Variants in ARHGAP32 observed in about 807,000 individuals in gnomAD.
The protein encoded by ARHGAP32 is rho GTPase-activating protein 32.
In ARHGAP32, 51 loss-of-function variants were observed where a neutral mutation model predicts 186.5. The observed-to-expected ratio is 0.27, with a 90% CI of 0.22 to 0.35. ARHGAP32 has a LOEUF of 0.35. Among genes scored for constraint, ARHGAP32 ranks in the 10% least tolerant of loss-of-function variants. The probability of loss-of-function intolerance (pLI) is 1.00; values close to 1 mark genes in which losing one functional copy is unlikely to be tolerated. For synonymous variants in ARHGAP32, 950 were observed against 964.3 expected, an observed-to-expected ratio of 0.99 and a Z score of 0.27; for missense variants, 2,186 against 2,623.5, an observed-to-expected ratio of 0.83 and a Z score of 3.64.
intron 1 of ARHGAP32, among the ~76,000 whole-genome samples, chr11:129,166,597 C>A (rs1007382619): frequency 3.3e-5 from 5 of 151,528 alleles, no homozygotes; most frequent in East Asian, 1.9e-4. Context: ...ATGAAATTAA[C>A]CTTCAGTGTG....
At chr11:129,063,752 G>C (rs1394448856) in intron 9 of ARHGAP32, 150 bp downstream of exon 9, 1 of 846,876 alleles carries the variant, frequency 1.2e-6, no homozygotes, top group Non-Finnish European at 1.7e-6. Context: ...AACAAAAATA[G>C]AAGATATTAC....
At chr11:129,113,225 C>T (rs1660203066) in intron 5 of ARHGAP32, among the ~76,000 whole-genome samples, 1 of 152,102 alleles carries the variant, frequency 6.6e-6, no homozygotes, top group Non-Finnish European at 1.5e-5. Context: ...TACTGCAATA[C>T]ACAATGCACA....
intron 2 of ARHGAP32, among the ~76,000 whole-genome samples, chr11:129,133,959 A>T (rs1486398019): frequency 6.6e-6 from 1 of 152,242 alleles, no homozygotes; most frequent in Admixed American, 6.5e-5. Flanking sequence ...TGTGATCTAT[A>T]TAAAAACTTT....
chr11:129,225,236 T>C (rs144338131), intron 1 of ARHGAP32, among the ~76,000 whole-genome samples: 299 of 152,292 alleles, frequency 2.0e-3, no homozygotes, highest in African/African-American at 6.8e-3. Flanking sequence ...AAGATGCCCA[T>C]GGAGACTTTG....
At chr11:129,167,443 A>G (rs987878766) in intron 1 of ARHGAP32, among the ~76,000 whole-genome samples, 7 of 152,232 alleles carry the variant, frequency 4.6e-5, no homozygotes, top group East Asian at 3.8e-4. Flanking sequence ...TATTCATAAT[A>G]GCCAAAAAGT....
At chr11:129,252,044 T>C (rs974051825) in intron 1 of ARHGAP32, among the ~76,000 whole-genome samples, 3 of 151,430 alleles carry the variant, frequency 2.0e-5, no homozygotes, top group Non-Finnish European at 4.4e-5. Flanking sequence ...ACTATTATAA[T>C]TACAATAATT....
intron 5 of ARHGAP32, among the ~76,000 whole-genome samples, chr11:129,121,654 GAGTT>G (rs2135376572): frequency 6.6e-6 from 1 of 152,148 alleles, no homozygotes; most frequent in South Asian, 2.1e-4. Context: ...GTCACAAACT[GAGTT>G]AGTATCACAT....
At chr11:129,073,506 G>A (rs1940935146) in intron 6 of ARHGAP32, among the ~76,000 whole-genome samples, 1 of 152,000 alleles carries the variant, frequency 6.6e-6, no homozygotes, top group African/African-American at 2.4e-5. Context: ...GAGCTTGAGG[G>A]TATCACAATA....
chr11:129,101,851 G>A (rs1444973495), intron 5 of ARHGAP32, among the ~76,000 whole-genome samples: 1 of 152,146 alleles, frequency 6.6e-6, no homozygotes, highest in Non-Finnish European at 1.5e-5. Context: ...AGGAAATGTA[G>A]AGAATTCAAG....
At position 128,999,230 on chromosome 11, in the gene ARHGAP32, T is replaced by G. The variant is rs548578071; in HGVS notation, c.1046-762A>C. Among the ~76,000 whole-genome samples, 21 of 152,082 alleles carry G rather than the reference T, an allele frequency of 1.4e-4. No individual in the cohort carries two copies. The East Asian group carries it at 4.1e-3, about 29-fold the overall frequency. ...GTCTCTAACATGGCCGCTCTGGGAG[T>G]GTCTGTCTTATGCAGTTGTAGATAA... On this transcript the variant is annotated intron_variant, in intron 11 of 22. Transcript: ENST00000682385.
intron 2 of ARHGAP32, among the ~76,000 whole-genome samples, chr11:129,140,399 T>G (rs1489078468): frequency 6.6e-6 from 1 of 152,212 alleles, no homozygotes; most frequent in Non-Finnish European, 1.5e-5. Context: ...TGTGAGATAA[T>G]AAATGGGTAT....
chr11:129,123,588 T>G lies in ARHGAP32; in HGVS notation c.360-58A>C. 6 of 1,490,718 alleles carry G rather than the reference T, an allele frequency of 4.0e-6. No individual in the cohort carries two copies. The highest frequency in any genetic ancestry group is 4.6e-6 in the Non-Finnish European group (5 of 1,077,334). 92.3% of individuals were successfully genotyped at this position (1,490,718 alleles called of 1,614,324 possible). On this transcript the variant is annotated intron_variant, in intron 4 of 22. Coordinates refer to ENST00000682385, the MANE Select transcript of ARHGAP32 (RefSeq NM_001378024.1). This position sits in a 1 kb window ranked among gnomAD's most constrained non-coding sequence, Gnocchi z 4.6. Reference sequence around the variant, plus strand: ...AGTGAAACAGTAAAAATTACTAAGTTTAAGGGAAAAATACAGTGGATTTAA... The same window carrying G: ...AGTGAAACAGTAAAAATTACTAAGTGTAAGGGAAAAATACAGTGGATTTAA...
intron 1 of ARHGAP32, among the ~76,000 whole-genome samples, chr11:129,276,894 G>A (rs995916366): frequency 6.6e-6 from 1 of 152,176 alleles, no homozygotes; most frequent in Non-Finnish European, 1.5e-5. Flanking sequence ...CTACTATGGG[G>A]CAGAACTGCA....
intron 2 of ARHGAP32, among the ~76,000 whole-genome samples, chr11:129,158,314 C>G (rs562916025): frequency 6.6e-6 from 1 of 150,394 alleles, no homozygotes; most frequent in Non-Finnish European, 1.5e-5. Context: ...CATCGGGGTG[C>G]TGAATTCAGG....
chr11:129,006,598 T>C (rs1412789374), intron 11 of ARHGAP32, among the ~76,000 whole-genome samples: 1 of 152,220 alleles, frequency 6.6e-6, no homozygotes, highest in African/African-American at 2.4e-5. Flanking sequence ...TCTCTCTGTC[T>C]CTGTGATAAG....
intron 12 of ARHGAP32, among the ~76,000 whole-genome samples, chr11:128,989,651 G>T (rs1181123515): frequency 6.6e-6 from 1 of 151,524 alleles, no homozygotes; most frequent in Non-Finnish European, 1.5e-5. Flanking sequence ...ATGGTGGTTT[G>T]CTGCACCCAT....
intron 1 of ARHGAP32, among the ~76,000 whole-genome samples, chr11:129,182,333 T>C (rs1046569686): frequency 3.3e-5 from 5 of 152,142 alleles, no homozygotes; most frequent in Non-Finnish European, 5.9e-5. Context: ...ATTTTTCTAT[T>C]GGGTTGTTGG....
chr11:129,247,375 TC>T (rs1292327689), intron 1 of ARHGAP32, among the ~76,000 whole-genome samples: 1 of 152,248 alleles, frequency 6.6e-6, no homozygotes, highest in Non-Finnish European at 1.5e-5. Context: ...TATTCATACT[TC>T]CTGTTTCATG....
intron 1 of ARHGAP32, among the ~76,000 whole-genome samples, chr11:129,236,504 C>A (rs1944937194): frequency 6.6e-6 from 1 of 152,168 alleles, no homozygotes; most frequent in South Asian, 2.1e-4. Flanking sequence ...TGAAGACAGT[C>A]TCCCATTCTG....
Sources: gnomAD v4.1 joint callset for allele counts (sites outside exome capture counted in the v4.1 genomes callset) on GRCh38, gnomAD v4.1.1 for gene constraint, Gnocchi (gnomAD v3.1) non-coding constraint, MANE v1.5 for transcripts, NCBI Gene and HGNC (gene_info 2026-07-23, HGNC 2026-07-21) for gene names.